Variants in LPCAT2 observed in about 807,000 individuals in gnomAD.
The protein encoded by LPCAT2 is lysophosphatidylcholine acyltransferase 2.
Under a neutral mutation model 64.7 loss-of-function variants are expected in LPCAT2, and 58 were observed. That is an observed-to-expected ratio of 0.90 (90% CI 0.73 to 1.12). The LOEUF is 1.12. Among genes scored for constraint, LPCAT2 ranks in the 50% most tolerant of loss-of-function variants. The pLI is 0.00. For missense variants in LPCAT2, 579 were observed against 669.8 expected (o/e 0.86, Z 1.50); for synonymous variants, 252 against 245.3 (o/e 1.03, Z -0.26).
intron 1 of LPCAT2, among the ~76,000 whole-genome samples, chr16:55,509,942 G>GAGTGT (rs1346450610): frequency 6.7e-6 from 1 of 149,754 alleles, no homozygotes; most frequent in Non-Finnish European, 1.5e-5. Context: ...GAGTTTATGA[G>GAGTGT]AGTGTAGTGG....
At chr16:55,563,693 A>G (rs1221162246) in intron 11 of LPCAT2, among the ~76,000 whole-genome samples, 4 of 151,886 alleles carry the variant, frequency 2.6e-5, no homozygotes, top group Non-Finnish European at 4.4e-5. Flanking sequence ...CTAGAAGGAA[A>G]GTGCCCCAAC....
chr16:55,536,790 G>A (rs923597145), intron 7 of LPCAT2, among the ~76,000 whole-genome samples: 4 of 152,150 alleles, frequency 2.6e-5, no homozygotes, highest in Non-Finnish European at 5.9e-5. Context: ...TATCCAGAGA[G>A]TCTAAATATG....
At chr16:55,518,824 C>T (rs1159578446) in intron 1 of LPCAT2, among the ~76,000 whole-genome samples, 8 of 152,104 alleles carry the variant, frequency 5.3e-5, no homozygotes, top group Non-Finnish European at 1.2e-4. Context: ...TCATAAAATG[C>T]TTAGAAGAGA....
intron 1 of LPCAT2, among the ~76,000 whole-genome samples, chr16:55,520,374 C>A (rs866699469): frequency 2.1e-4 from 32 of 152,100 alleles, no homozygotes; most frequent in African/African-American, 7.5e-4. Flanking sequence ...ACTTTGAAAA[C>A]ATGAAGCTAA....
In LPCAT2 at chr16:55,580,022, C is replaced by T. The variant is rs796370875; in HGVS notation, c.1450+778C>T. On this transcript the variant is annotated intron_variant, in intron 13 of 13. Coordinates refer to ENST00000262134, the MANE Select transcript of LPCAT2 (RefSeq NM_017839.5). ...TGGAGAGACCAAGATAATTGTTTCC[C>T]TGTCTTGGGTTTGATGTGGTCATGG... Among the ~76,000 whole-genome samples, 93 of 152,286 alleles carry T rather than the reference C, an allele frequency of 6.1e-4. 1 individual carries two copies. The highest frequency in any genetic ancestry group is 2.1e-3 in the African/African-American group (89 of 41,562).
At chr16:55,543,411 CCTAAA>C (rs1963418617) in intron 8 of LPCAT2, among the ~76,000 whole-genome samples, 1 of 151,984 alleles carries the variant, frequency 6.6e-6, no homozygotes, top group Non-Finnish European at 1.5e-5. Context: ...CCTTTTATGA[CCTAAA>C]TCAAGTGTAT....
chr16:55,550,359 A>G (rs1289494467), intron 10 of LPCAT2, among the ~76,000 whole-genome samples: 5 of 152,226 alleles, frequency 3.3e-5, no homozygotes, highest in African/African-American at 1.2e-4. Context: ...GTATAGTCTA[A>G]TGAATCCCCC....
At chr16:55,552,922 A>G (rs1963533620) in intron 11 of LPCAT2, among the ~76,000 whole-genome samples, 1 of 152,224 alleles carries the variant, frequency 6.6e-6, no homozygotes, top group Non-Finnish European at 1.5e-5. Context: ...CTGCATTGAT[A>G]GACTCTTCCT....
At chr16:55,534,355 T>C (rs1963296534) in intron 6 of LPCAT2, 88 bp from the exon 7 acceptor site, 1 of 799,066 alleles carries the variant, frequency 1.3e-6, no homozygotes, top group African/African-American at 1.7e-5. Flanking sequence ...TCAGAAAAAA[T>C]ACATGAATCC....
intron 1 of LPCAT2, among the ~76,000 whole-genome samples, chr16:55,522,193 A>G (rs1963106878): frequency 6.6e-6 from 1 of 151,728 alleles, no homozygotes; most frequent in Admixed American, 6.6e-5. Context: ...TTACATTTAT[A>G]TACTATAGGA....
At position 55,532,879 on chromosome 16, in the gene LPCAT2, G is replaced by A; in HGVS notation, c.759G>A (p.Lys253=). ...VQPVLLRYPN[K]LDTVTWTWQG... is the part of the protein sequence containing the mutation. Reference sequence around the variant, plus strand: ...CAGTCCTCCTCAGATACCCAAACAAGCTGGTAAGCACAGTATTTTACCACA... The same window carrying A: ...CAGTCCTCCTCAGATACCCAAACAAACTGGTAAGCACAGTATTTTACCACA... The change falls in exon 6 of 14, where the codon AAG becomes AAA. Residue 253 remains lysine, a synonymous_variant. Coordinates refer to ENST00000262134, the MANE Select transcript of LPCAT2 (RefSeq NM_017839.5). 6.2e-7 allele frequency: 1 copy of A among 1,611,396 alleles called. No homozygotes were observed. The highest frequency in any genetic ancestry group is 8.5e-7 in the Non-Finnish European group (1 of 1,178,206).
In LPCAT2 at chr16:55,564,117, A is replaced by C. The variant is rs79109858; in HGVS notation, c.1216-10514A>C. ...ATTCCATTACAATGGCATAGAAAAAATTAAAATACTTAGGAATAGACTTCA... is the reference window on the plus strand; with the variant it reads ...ATTCCATTACAATGGCATAGAAAAACTTAAAATACTTAGGAATAGACTTCA... On this transcript the variant is annotated intron_variant, in intron 11 of 13. Transcript: ENST00000262134. 1.8e-3 allele frequency among the ~76,000 whole-genome samples: 279 copies of C among 152,062 alleles called. 5 individuals carry two copies. The East Asian group carries it at 0.025, about 14-fold the overall frequency.
chr16:55,548,285 A>C (rs369253683), intron 9 of LPCAT2, among the ~76,000 whole-genome samples: 2 of 152,100 alleles, frequency 1.3e-5, no homozygotes, highest in African/African-American at 4.8e-5. Context: ...TTTTTTTCAA[A>C]TCTAATTCAC....
chr16:55,516,907 T>C (rs1171238926), intron 1 of LPCAT2, among the ~76,000 whole-genome samples: 2 of 152,170 alleles, frequency 1.3e-5, no homozygotes, highest in African/African-American at 4.8e-5. Flanking sequence ...TCAATAAATA[T>C]AAAGTGGTTA....
intron 11 of LPCAT2, among the ~76,000 whole-genome samples, chr16:55,557,909 G>C (rs1456677367): frequency 6.6e-6 from 1 of 152,160 alleles, no homozygotes. Flanking sequence ...TTTGATGGCA[G>C]ACAGTTTGAA....
chr16:55,561,781 T>A (rs1963639322), intron 11 of LPCAT2, among the ~76,000 whole-genome samples: 1 of 151,996 alleles, frequency 6.6e-6, no homozygotes, highest in Admixed American at 6.6e-5. Context: ...GGAAGAGAGT[T>A]CTTTTGTGAT....
At chr16:55,510,405 C>A (rs1198775157) in intron 1 of LPCAT2, among the ~76,000 whole-genome samples, 1 of 126,766 alleles carries the variant, frequency 7.9e-6, no homozygotes, top group Non-Finnish European at 1.5e-5. Context: ...GATCAGAGAA[C>A]AAGATAGACC....
At chr16:55,549,479 C>G (rs1270181221) in intron 10 of LPCAT2, 77 bp downstream of exon 10, 20 of 1,322,772 alleles carry the variant, frequency 1.5e-5, no homozygotes, top group African/African-American at 4.6e-5. Flanking sequence ...TTTTCTCCTG[C>G]TTTATTAATG....
At chr16:55,579,768 T>C (rs1448635693) in intron 13 of LPCAT2, among the ~76,000 whole-genome samples, 1 of 152,226 alleles carries the variant, frequency 6.6e-6, no homozygotes, top group African/African-American at 2.4e-5. Flanking sequence ...TATTGATGTT[T>C]ACTATTAGTG....
Sources: allele counts gnomAD v4.1 joint callset (sites outside exome capture counted in the v4.1 genomes callset), GRCh38; gene constraint gnomAD v4.1.1; transcripts MANE v1.5; gene names NCBI Gene and HGNC (gene_info 2026-07-23, HGNC 2026-07-21).